Variants in NOS1 observed in about 807,000 individuals in gnomAD.
NOS1 encodes nitric oxide synthase 1, also known as NOS type I.
In NOS1, 51 loss-of-function variants were observed where a neutral mutation model predicts 164.5. The observed-to-expected ratio is 0.31, with a 90% confidence interval of 0.25 to 0.39. The LOEUF is 0.39. NOS1 is among the 10% of genes least tolerant of loss of function. NOS1 has a pLI of 1.00. For missense variants in NOS1, 1,362 were observed against 1,885.6 expected (o/e 0.72, Z 5.14); for synonymous variants, 719 against 745.8 (o/e 0.96, Z 0.59).
At chr12:117,332,314 A>C (rs1439222529) in intron 1 of NOS1, among the ~76,000 whole-genome samples, 1 of 152,242 alleles carries the variant, frequency 6.6e-6, no homozygotes, top group Non-Finnish European at 1.5e-5. Flanking sequence ...CCTCAAGAGA[A>C]GAGGAAAGGG....
rs1199310857 is a variant in NOS1, at chr12:117,288,197, A to G, written c.1004T>C (p.Ile335Thr). The change falls in exon 5 of 29, where the codon ATC becomes ACC. Residue 335 changes from isoleucine to threonine, a missense_variant. Ile to Thr is a moderately conservative substitution (Grantham distance 89). Around this residue, in one of 4 missense-constraint regions of NOS1, gnomAD observed 129 missense variants for 186.0 expected, o/e 0.69. Transcript: ENST00000317775. ...AGGATGCATGATGGAGCCCATGCAG[A>G]TGTACTCAGTGCATCCCGTTTCCTG... ...STLETGCTEY[I>T]CMGSIMHPSQ... 1.2e-6 allele frequency: 2 copies of G among 1,613,550 alleles called. No individual in the cohort carries two copies. The highest frequency in any genetic ancestry group is 2.7e-5 in the African/African-American group (2 of 74,922).
Position 117,239,166 on chromosome 12 carries a change from G to A in NOS1, c.3041+3461C>T, listed in dbSNP as rs1869964171. 3.3e-5 allele frequency among the ~76,000 whole-genome samples: 5 copies of A among 152,248 alleles called. No individual in the cohort carries two copies. The South Asian group carries it at 1.0e-3, about 32-fold the overall frequency. ...CTCTGTTGAGACTGGGAAGGCTGGA[G>A]AGAAGAAATTTTACTTGACGGGGGA... On this transcript the variant is annotated intron_variant, in intron 20 of 28. Transcript: ENST00000317775.
intron 3 of NOS1, among the ~76,000 whole-genome samples, chr12:117,311,015 G>A (rs1874404300): frequency 6.6e-6 from 1 of 151,984 alleles, no homozygotes; most frequent in African/African-American, 2.4e-5. Flanking sequence ...ACAGGCGCCC[G>A]CCACCATGCC....
chr12:117,287,966 T>C (rs935199765), intron 5 of NOS1, 108 bp downstream of exon 5: 4 of 1,225,624 alleles, frequency 3.3e-6, no homozygotes, highest in African/African-American at 3.0e-5. Context: ...CCTCTGTGTA[T>C]GGCAGAGGCC....
At chr12:117,222,636 G>C (rs1592924940) in intron 26 of NOS1, 79 bp downstream of exon 26, 1 of 1,352,956 alleles carries the variant, frequency 7.4e-7, no homozygotes, top group East Asian at 2.3e-5. Context: ...AAGAGTGAGG[G>C]TGAGGGGTTT....
At chr12:117,238,162 G>C (rs1869877520) in intron 20 of NOS1, among the ~76,000 whole-genome samples, 1 of 152,146 alleles carries the variant, frequency 6.6e-6, no homozygotes, top group African/African-American at 2.4e-5. Context: ...GGAGTTTGGA[G>C]GTTTCCTAAA....
At chr12:117,244,701 C>T (rs532205542) in intron 18 of NOS1, among the ~76,000 whole-genome samples, 8 of 152,262 alleles carry the variant, frequency 5.3e-5, no homozygotes, top group East Asian at 1.9e-4. Context: ...ATCCATACAA[C>T]GGAATATTAT....
In NOS1 at chr12:117,234,461, T is replaced by C; in HGVS notation, c.3235+104A>G. 1.6e-6 allele frequency: 2 copies of C among 1,223,632 alleles called. No individual in the cohort carries two copies. Among genetic ancestry groups the C allele is most frequent in the Non-Finnish European group, 2.3e-6 (2 of 874,594 alleles). 75.8% of individuals were successfully genotyped at this position (1,223,632 alleles called of 1,614,324 possible). On this transcript the variant is annotated intron_variant, in intron 21 of 28. Transcript: ENST00000317775. This position sits in a 1 kb window ranked among gnomAD's most constrained non-coding sequence, Gnocchi z 4.3. ...TAGGCTGTTAGCAACAGACACCCAC[T>C]CTCCTGCCTGGACTGGTGATTGGGA...
intron 2 of NOS1, among the ~76,000 whole-genome samples, chr12:117,316,879 T>TTTA (rs893471252): frequency 6.6e-6 from 1 of 152,178 alleles, no homozygotes; most frequent in South Asian, 2.1e-4. Flanking sequence ...ACTCTGTTTT[T>TTTA]TTATTATTAT....
intron 25 of NOS1, 145 bp from the exon 26 acceptor site, chr12:117,223,008 T>C: frequency 2.4e-6 from 2 of 846,060 alleles, no homozygotes; most frequent in Non-Finnish European, 3.7e-6. Flanking sequence ...GATGTATGCG[T>C]GCACACACAT....
intron 16 of NOS1, 141 bp from the exon 17 acceptor site, chr12:117,253,895 C>A: frequency 1.6e-6 from 1 of 633,546 alleles, no homozygotes; most frequent in Non-Finnish European, 2.9e-6. Flanking sequence ...ACTCCCATGG[C>A]CTCTTCTATA....
rs9658275 is a variant in NOS1 at position 117,330,872 on chromosome 12, C to G, written c.198G>C (p.Ala66=). ...GGTCCACCAAGGGCCGGCCGTTGACCGCAAGAATGATGTCTCCGGCCTGGA... is the reference window on the plus strand; with the variant it reads ...GGTCCACCAAGGGCCGGCCGTTGACGGCAAGAATGATGTCTCCGGCCTGGA... The part of the protein sequence containing the change: ...GLIQAGDIIL[A]VNGRPLVDLS... The change falls in exon 2 of 29, where the codon GCG becomes GCC. Residue 66 remains alanine (A), a synonymous_variant. Coordinates refer to ENST00000317775, the MANE Select transcript of NOS1 (RefSeq NM_000620.5). The surrounding 1 kb of genome is among the most constrained non-coding windows in gnomAD (Gnocchi z 4.6). 5.5e-5 allele frequency: 88 copies of G among 1,614,116 alleles called. No homozygotes were observed. The African/African-American group carries it at 1.1e-3, about 19-fold the overall frequency.
intron 6 of NOS1, among the ~76,000 whole-genome samples, 154 bp downstream of exon 6, chr12:117,285,950 C>T (rs1376319700): frequency 1.3e-5 from 2 of 152,182 alleles, no homozygotes; most frequent in East Asian, 3.9e-4. Flanking sequence ...TGGCTGTGAT[C>T]TTGGAATGTG....
Position 117,280,733 on chromosome 12 carries a change from A to G in NOS1, c.1516T>C (p.Phe506Leu). The change falls in exon 8 of 29, where the codon TTC (phenylalanine) becomes CTC (leucine). Residue 506 changes from phenylalanine to leucine, a missense_variant. Around this residue, in one of 4 missense-constraint regions of NOS1, gnomAD observed 134 missense variants for 267.3 expected, o/e 0.50. Transcript: ENST00000317775. Reference sequence around the variant, plus strand: ...GGCGGAAACGCTCGCACCTCTGTGAACTGCACATTGGCTGGGTCCCCCAGG... The same window carrying G: ...GGCGGAAACGCTCGCACCTCTGTGAGCTGCACATTGGCTGGGTCCCCCAGG... Reference protein sequence around the residue: ...STLGDPANVQFTEICIQQGWK... With the variant: ...STLGDPANVQLTEICIQQGWK... 6.2e-7 allele frequency: 1 copy of G among 1,614,010 alleles called. No homozygotes were observed. Among genetic ancestry groups the G allele is most frequent in the Non-Finnish European group, 8.5e-7 (1 of 1,179,976 alleles).
chr12:117,222,361 T>C (rs1478428716), intron 26 of NOS1, among the ~76,000 whole-genome samples: 1 of 152,098 alleles, frequency 6.6e-6, no homozygotes, highest in African/African-American at 2.4e-5. Context: ...GTTCAAGTGA[T>C]TCTCCTGCCT....
rs747233530 is a variant in NOS1, at chr12:117,330,463, T to C, written c.607A>G (p.Asn203Asp). The stretch of plus-strand genomic sequence containing the variant: ...GGCTCTATCTCCTTGAGCAGTTCAT[T>C]GTTCTCCCCTCTGCCTTGGAGGCTG... ...RVSLQGRGEN[N>D]ELLKEIEPVL... is the part of the protein sequence containing the mutation. The change falls in exon 2 of 29, where the codon AAT (asparagine) becomes GAT (aspartate). Residue 203 changes from asparagine to aspartate, a missense_variant. Transcript: ENST00000317775. This position sits in a 1 kb window ranked among gnomAD's most constrained non-coding sequence, Gnocchi z 4.6. The C allele has an allele frequency of 6.2e-7, 1 of 1,614,216 alleles. No individual in the cohort carries two copies. The highest frequency in any genetic ancestry group is 8.5e-7 in the Non-Finnish European group (1 of 1,180,034).
In NOS1 at chr12:117,330,196, G is replaced by T; in HGVS notation, c.725+149C>A. 1 of 1,252,960 alleles carries T rather than the reference G, an allele frequency of 8.0e-7. No homozygotes were observed. Among genetic ancestry groups the T allele is most frequent in the Non-Finnish European group, 1.1e-6 (1 of 951,264 alleles). The allele number at this position is 1,252,960 out of a possible 1,614,324, so 77.6% of individuals were successfully genotyped here. A position where few individuals can be genotyped will look rare whatever the true frequency, so the allele number is the denominator to read the frequency against. On this transcript the variant is annotated intron_variant, in intron 2 of 28. Coordinates refer to ENST00000317775, the MANE Select transcript of NOS1 (RefSeq NM_000620.5). The surrounding 1 kb of genome is among the most constrained non-coding windows in gnomAD (Gnocchi z 4.6). The stretch of plus-strand genomic sequence containing the variant: ...TGTAATTTTAAGTGAAGATCAAGGG[G>T]GCCGTCAAGTGGTTATGCAAAAACA...
chr12:117,333,278 C>T (rs563327843), intron 1 of NOS1, among the ~76,000 whole-genome samples: 17 of 152,206 alleles, frequency 1.1e-4, no homozygotes, highest in Non-Finnish European at 2.1e-4. Context: ...CCCTGCTCCC[C>T]ACTCAAGTGC....
At position 117,360,443 on chromosome 12, in the gene NOS1, G is replaced by A. The variant is rs573284966; in HGVS notation, c.-421+1069C>T. Among the ~76,000 whole-genome samples, 8 of 152,358 alleles carry A rather than the reference G, an allele frequency of 5.3e-5. No homozygotes were observed. In the East Asian group the frequency reaches 1.4e-3, roughly 26 times the overall value. ...TCCTTCCACTGCCCAGCCCCGAACC[G>A]TGGCGGAACGCGCCCCTCGGCCTCC... On this transcript the variant is annotated intron_variant, in intron 1 of 28. Coordinates refer to ENST00000317775, the MANE Select transcript of NOS1 (RefSeq NM_000620.5).
Sources: allele counts gnomAD v4.1 joint callset (sites outside exome capture counted in the v4.1 genomes callset), GRCh38; gene constraint gnomAD v4.1.1; regional missense constraint gnomAD v4.1.1; non-coding constraint Gnocchi (gnomAD v3.1); transcripts MANE v1.5; gene names NCBI Gene and HGNC (gene_info 2026-07-23, HGNC 2026-07-21).